SLAMF9: variants seen among roughly 807,000 people sequenced by gnomAD.
The protein encoded by SLAMF9 is SLAM family member 9.
Under a neutral mutation model 30.4 loss-of-function variants are expected in SLAMF9, and 25 were observed. The ratio of observed to expected loss-of-function variants is 0.82; its 90% CI spans 0.60 to 1.15. The LOEUF (loss-of-function observed/expected upper bound fraction) is 1.15, where lower values mean the gene tolerates loss of function less well. SLAMF9 is among the 50% of genes most tolerant of loss of function. SLAMF9 has a pLI of 0.00. For synonymous variants in SLAMF9, 129 were observed against 127.2 expected (o/e 1.01, Z -0.09); for missense variants, 344 against 346.1 (o/e 0.99, Z 0.05).
rs1651793620 is a variant in SLAMF9, at chr1:159,952,541, GA to G, written c.392-8del. 2 of 1,612,838 alleles carry G rather than the reference GA, an allele frequency of 1.2e-6. No homozygotes were observed. Among genetic ancestry groups the G allele is most frequent in the Non-Finnish European group, 1.7e-6 (2 of 1,179,510 alleles). ...TGGGGCTCTGACAGCCATCCTGGATGAAGGGGAAACACAAAGACCCTCTAAA... is the reference window on the plus strand; with the variant it reads ...TGGGGCTCTGACAGCCATCCTGGATGAGGGGAAACACAAAGACCCTCTAAA... On this transcript the variant is annotated splice_polypyrimidine_tract_variant and splice_region_variant and intron_variant, in intron 2 of 3. Coordinates refer to ENST00000368093, the MANE Select transcript of SLAMF9 (RefSeq NM_033438.4).
chr1:159,964,360 T>G, the SLAMF9 span, among the ~76,000 whole-genome samples: 3 of 152,140 alleles, frequency 2.0e-5, no homozygotes, highest in African/African-American at 7.2e-5. Flanking sequence ...TTGGAGAATA[T>G]GAGAGGGGCT....
chr1:159,967,429 A>T, the SLAMF9 span, among the ~76,000 whole-genome samples: 1 of 152,310 alleles, frequency 6.6e-6, no homozygotes, highest in South Asian at 2.1e-4. Flanking sequence ...AAAATCAATC[A>T]ACTATAAATG....
chr1:159,973,423 C>G, the SLAMF9 span: 2 of 511,734 alleles, frequency 3.9e-6, no homozygotes, highest in Non-Finnish European at 3.5e-6. Context: ...GACCTGTCCT[C>G]TTGTCCTCAC....
chr1:159,975,730 A>G, the SLAMF9 span, among the ~76,000 whole-genome samples: 1 of 152,194 alleles, frequency 6.6e-6, no homozygotes, highest in Non-Finnish European at 1.5e-5. Flanking sequence ...CAGTGAGGTG[A>G]AAAGGAGGGC....
chr1:159,957,985 G>A (rs902933004), upstream of SLAMF9, among the ~76,000 whole-genome samples: 17 of 152,154 alleles, frequency 1.1e-4, no homozygotes, highest in African/African-American at 4.1e-4. Context: ...AGCCAGAAGG[G>A]CCTCAGACCT....
At chr1:159,957,534 G>T (rs146437749), upstream of SLAMF9, among the ~76,000 whole-genome samples, 255 of 152,222 alleles carry the variant, frequency 1.7e-3, no homozygotes, top group Middle Eastern at 6.8e-3. Flanking sequence ...TGAGGCAGGA[G>T]AATTGCTTGA....
the SLAMF9 span, chr1:159,973,972 G>A: frequency 6.2e-7 from 1 of 1,610,878 alleles, no homozygotes; most frequent in Non-Finnish European, 8.5e-7. Context: ...AACTTCACCT[G>A]AGACAGTGGT....
chr1:159,957,730 A>G (rs1489046925), upstream of SLAMF9, among the ~76,000 whole-genome samples: 1 of 152,234 alleles, frequency 6.6e-6, no homozygotes, highest in Non-Finnish European at 1.5e-5. Context: ...ATTTCACAAC[A>G]TATTCATATT....
the SLAMF9 span, among the ~76,000 whole-genome samples, chr1:159,962,302 C>T: frequency 6.6e-6 from 1 of 151,854 alleles, no homozygotes; most frequent in African/African-American, 2.4e-5. Flanking sequence ...GCAGGCGGCT[C>T]ACTGGGGGTA....
chr1:159,968,413 C>T, the SLAMF9 span, among the ~76,000 whole-genome samples: 1 of 152,184 alleles, frequency 6.6e-6, no homozygotes, highest in Non-Finnish European at 1.5e-5. Context: ...CTCATTTTCT[C>T]TTTTCTCAGG....
intron 2 of SLAMF9, 48 bp from the exon 3 acceptor site, chr1:159,952,582 G>T: frequency 6.3e-7 from 1 of 1,590,290 alleles, no homozygotes; most frequent in Non-Finnish European, 8.6e-7. Context: ...CAGGGATCGG[G>T]TCTGTTTTCC....
the SLAMF9 span, among the ~76,000 whole-genome samples, chr1:159,968,939 G>T: frequency 6.6e-6 from 1 of 152,164 alleles, no homozygotes; most frequent in East Asian, 1.9e-4. Context: ...GTACTCGGGA[G>T]GCTGAGGCAG....
rs771837922 is a variant in SLAMF9 at position 159,954,165 on chromosome 1, G to A, written c.-28C>T. 1 of 1,613,820 alleles carries A rather than the reference G, an allele frequency of 6.2e-7. No individual in the cohort carries two copies. The highest frequency in any genetic ancestry group is 1.1e-5 in the South Asian group (1 of 91,022). On this transcript the variant is annotated 5_prime_UTR_variant, in exon 1 of 4. Coordinates refer to ENST00000368093, the MANE Select transcript of SLAMF9 (RefSeq NM_033438.4). ...CAGCAGCCCCCAGCCCCAGAGGTGT[G>A]ATTCAGTCAGTCAGTCCCCAGGACT...
chr1:159,972,644 G>T, the SLAMF9 span: 1 of 167,500 alleles, frequency 6.0e-6, no homozygotes, highest in South Asian at 1.8e-4. Flanking sequence ...ACTTCACTGG[G>T]AACAAGAGGG....
chr1:159,970,409 C>T, the SLAMF9 span, among the ~76,000 whole-genome samples: 4 of 152,308 alleles, frequency 2.6e-5, no homozygotes, highest in Middle Eastern at 3.4e-3. Flanking sequence ...TCATTATCAT[C>T]GCACAGTGTT....
the SLAMF9 span, among the ~76,000 whole-genome samples, chr1:159,977,422 G>A: frequency 6.6e-6 from 1 of 152,148 alleles, no homozygotes; most frequent in Non-Finnish European, 1.5e-5. Flanking sequence ...AGAAAAAGAA[G>A]AGTTTTCTGC....
upstream of SLAMF9, among the ~76,000 whole-genome samples, chr1:159,957,372 T>G (rs533219828): frequency 6.6e-6 from 1 of 152,198 alleles, no homozygotes; most frequent in African/African-American, 2.4e-5. Flanking sequence ...ACACCTATAA[T>G]CCCAGCACTT....
the SLAMF9 span, among the ~76,000 whole-genome samples, chr1:159,960,478 T>C: frequency 6.7e-6 from 1 of 149,852 alleles, no homozygotes; most frequent in Non-Finnish European, 1.5e-5. Flanking sequence ...TTTTTTTTTT[T>C]CCTTTGAGAC....
rs577932932 is a variant in SLAMF9, at chr1:159,952,992, G to T, written c.391+317C>A. ...TCACACAGGGAAATAAAAGGCTCAAGAATGTAGGTGGTGTTCATCCCCAGA... is the reference window on the plus strand; with the variant it reads ...TCACACAGGGAAATAAAAGGCTCAATAATGTAGGTGGTGTTCATCCCCAGA... On this transcript the variant is annotated intron_variant, in intron 2 of 3. Coordinates refer to ENST00000368093, the MANE Select transcript of SLAMF9 (RefSeq NM_033438.4). 2.6e-5 allele frequency among the ~76,000 whole-genome samples: 4 copies of T among 152,322 alleles called. No individual in the cohort carries two copies. The South Asian group carries it at 8.3e-4, about 32-fold the overall frequency.
Sources: allele counts gnomAD v4.1 joint callset (sites outside exome capture counted in the v4.1 genomes callset), GRCh38; gene constraint gnomAD v4.1.1; transcripts MANE v1.5; gene names NCBI Gene and HGNC (gene_info 2026-07-23, HGNC 2026-07-21).